The following PUS3 variants were observed in gnomAD, a reference collection of about 807,000 sequenced individuals.
The protein encoded by PUS3 is pseudouridine synthase 3, also known as tRNA pseudouridine(38/39) synthase.
In PUS3, 36 loss-of-function variants were observed where a neutral mutation model predicts 43.3. The ratio of observed to expected loss-of-function variants is 0.83; its 90% confidence interval spans 0.64 to 1.10. The LOEUF (loss-of-function observed/expected upper bound fraction) is 1.10, where lower values mean the gene tolerates loss of function less well. Among genes scored for constraint, PUS3 ranks in the 50% least tolerant of loss-of-function variants. PUS3 has a pLI of 0.00. For missense variants in PUS3, 544 were observed against 589.9 expected, an observed-to-expected ratio of 0.92 and a Z score of 0.81; for synonymous variants, 183 against 199.2, an observed-to-expected ratio of 0.92 and a Z score of 0.69.
chr11:125,894,255 C>A lies in PUS3; in HGVS notation c.976G>T (p.Asp326Tyr). Reference sequence around the variant, plus strand: ...CACTTGACATTTTCAAACTTACAGTCATATAAGACTAGAGGAAATTCTACA... The same window carrying A: ...CACTTGACATTTTCAAACTTACAGTAATATAAGACTAGAGGAAATTCTACA... Reference protein sequence around the residue: ...MAVEFPLVLYDCKFENVKWIY... With the variant: ...MAVEFPLVLYYCKFENVKWIY... The change falls in exon 4 of 4, where the codon GAC becomes TAC. Residue 326 changes from aspartate (D) to tyrosine (Y), a missense_variant. Transcript: ENST00000227474. The A allele has an allele frequency of 6.2e-7, 1 of 1,611,860 alleles. No homozygotes were observed. Among genetic ancestry groups the A allele is most frequent in the South Asian group, 1.1e-5 (1 of 90,972 alleles).
At chr11:125,896,605 C>T (rs1260546714) in intron 1 of PUS3, among the ~76,000 whole-genome samples, 1 of 152,178 alleles carries the variant, frequency 6.6e-6, no homozygotes, top group Non-Finnish European at 1.5e-5. Context: ...CTATAGATTT[C>T]ATTTCTCTAT....
rs1211996582 is a variant in PUS3, at chr11:125,899,510, TATG to T, written c.-46-3183_-46-3181del. 3 of 1,614,142 alleles carry T rather than the reference TATG, an allele frequency of 1.9e-6. No homozygotes were observed. The East Asian group carries it at 6.7e-5, about 36-fold the overall frequency. On this transcript the variant is annotated intron_variant, in intron 1 of 3. Transcript: ENST00000227474. Reference sequence around the variant, plus strand: ...CAGGAGAGAAGCCCAATCTATCCAATATGATCCCTACAGTAAAGCTTCAGTAGC... The same window carrying T: ...CAGGAGAGAAGCCCAATCTATCCAATATCCCTACAGTAAAGCTTCAGTAGC...
chr11:125,896,926 TG>T (rs1178498601), intron 1 of PUS3, among the ~76,000 whole-genome samples: 1 of 152,182 alleles, frequency 6.6e-6, no homozygotes. Context: ...TAAGCAATTT[TG>T]ATGGGAGAAA....
intron 1 of PUS3, chr11:125,899,993 A>G (rs904960204): frequency 6.2e-7 from 1 of 1,614,224 alleles, no homozygotes; most frequent in African/African-American, 1.3e-5. Flanking sequence ...AAACCGGGGC[A>G]AGACAGACCG....
chr11:125,896,307 A>G lies in PUS3; in HGVS notation c.-23T>C, dbSNP rs1193007521. 6.3e-7 allele frequency: 1 copy of G among 1,585,270 alleles called. No individual in the cohort carries two copies. On this transcript the variant is annotated 5_prime_UTR_variant, in exon 2 of 4. Transcript: ENST00000227474. ...CATGATATGACAACCCCAGGAATAA[A>G]CGAACCATACAGGTCTGCCCTGTCT... is the stretch of plus-strand genomic sequence containing the variant.
intron 1 of PUS3, chr11:125,900,162 T>G (rs372320419): frequency 1.2e-6 from 2 of 1,614,068 alleles, no homozygotes; most frequent in Admixed American, 1.7e-5. Flanking sequence ...AACAATTATC[T>G]AGTACCAACA....
At chr11:125,894,320 C>T in intron 3 of PUS3, 34 bp from the exon 4 acceptor site, 1 of 1,528,538 alleles carries the variant, frequency 6.5e-7, no homozygotes, top group Non-Finnish European at 8.9e-7. Context: ...TTTGAGAATA[C>T]ATAACATCCA....
At chr11:125,895,095 G>A (rs994390499) in intron 3 of PUS3, 129 bp downstream of exon 3, 36 of 597,740 alleles carry the variant, frequency 6.0e-5, no homozygotes, top group Non-Finnish European at 1.0e-4. Flanking sequence ...CACCCATGCT[G>A]GAATGCAGTG....
chr11:125,900,438 T>G, intron 1 of PUS3: 1 of 638,238 alleles, frequency 1.6e-6, no homozygotes, highest in Non-Finnish European at 2.8e-6. Context: ...CAGATGATAC[T>G]TCCAAATTGC....
intron 1 of PUS3, among the ~76,000 whole-genome samples, chr11:125,901,906 G>A (rs1944782664): frequency 6.6e-6 from 1 of 152,238 alleles, no homozygotes; most frequent in Non-Finnish European, 1.5e-5. Flanking sequence ...AAAACCTAAC[G>A]AGTAGTGGGA....
At chr11:125,902,600 A>T (rs1032979940) in intron 1 of PUS3, among the ~76,000 whole-genome samples, 67 of 12,360 alleles carry the variant, frequency 5.4e-3, no homozygotes, top group African/African-American at 0.023. Context: ...CGACAGTCTT[A>T]AAAAAAAAAA....
intron 1 of PUS3, chr11:125,899,660 G>A: frequency 6.2e-7 from 1 of 1,614,210 alleles, no homozygotes; most frequent in Non-Finnish European, 8.5e-7. Context: ...GAAGAGAAAG[G>A]TGCTGCGCAG....
chr11:125,898,880 G>A (rs1591506149), intron 1 of PUS3, among the ~76,000 whole-genome samples: 1 of 151,672 alleles, frequency 6.6e-6, no homozygotes, highest in East Asian at 1.9e-4. Flanking sequence ...AGTAACCTTG[G>A]GCAAGTTATT....
chr11:125,894,437 C>T (rs1944513459), intron 3 of PUS3, 151 bp from the exon 4 acceptor site: 1 of 623,558 alleles, frequency 1.6e-6, no homozygotes, highest in Non-Finnish European at 2.8e-6. Flanking sequence ...TCTCACCATC[C>T]CTAACCTTGA....
chr11:125,899,667 G>A lies in PUS3; in HGVS notation c.-46-3337C>T, dbSNP rs764139033. The A allele has an allele frequency of 8.1e-6, 13 of 1,614,202 alleles. No individual in the cohort carries two copies. In the Middle Eastern group the frequency reaches 4.9e-4, roughly 61 times the overall value. The stretch of plus-strand genomic sequence containing the variant: ...CCAGTGATGAAGAGAAAGGTGCTGC[G>A]CAGAAAGCCAGATGGGGAAGTATTA... On this transcript the variant is annotated intron_variant, in intron 1 of 3. Coordinates refer to ENST00000227474, the MANE Select transcript of PUS3 (RefSeq NM_031307.4).
intron 1 of PUS3, among the ~76,000 whole-genome samples, chr11:125,898,026 C>T (rs1944640390): frequency 6.6e-6 from 1 of 152,028 alleles, no homozygotes; most frequent in Non-Finnish European, 1.5e-5. Flanking sequence ...TCGGCCTGTG[C>T]TGATATAGCT....
intron 3 of PUS3, 134 bp downstream of exon 3, chr11:125,895,090 A>G (rs1944537861): frequency 1.8e-6 from 1 of 564,068 alleles, no homozygotes; most frequent in African/African-American, 1.9e-5. Flanking sequence ...TCTGTCACCC[A>G]TGCTGGAATG....
intron 1 of PUS3, among the ~76,000 whole-genome samples, chr11:125,897,364 C>G (rs1173101998): frequency 6.6e-6 from 1 of 151,500 alleles, no homozygotes; most frequent in African/African-American, 2.4e-5. Context: ...GTCTAGAAAC[C>G]CAGACACTAG....
At chr11:125,898,894 C>T (rs916982553) in intron 1 of PUS3, among the ~76,000 whole-genome samples, 2 of 152,062 alleles carry the variant, frequency 1.3e-5, no homozygotes, top group African/African-American at 4.8e-5. Flanking sequence ...AGTTATTTAA[C>T]TTCCCTGTGC....
Sources: allele counts gnomAD v4.1 joint callset (sites outside exome capture counted in the v4.1 genomes callset), GRCh38; gene constraint gnomAD v4.1.1; transcripts MANE v1.5; gene names NCBI Gene and HGNC (gene_info 2026-07-23, HGNC 2026-07-21).